Variants in EPG5 observed in about 807,000 individuals in gnomAD.
The protein encoded by EPG5 is ectopic P-granules 5 autophagy tethering factor, also known as ectopic P granules protein 5 homolog.
EPG5 carries 159 observed loss-of-function variants against 302.7 expected under a neutral mutation model. That is an observed-to-expected ratio of 0.53 (90% CI 0.46 to 0.60). The LOEUF is 0.60. EPG5 is among the 20% of genes least tolerant of loss of function. The probability of loss-of-function intolerance (pLI) is 0.00; values close to 1 mark genes in which losing one functional copy is unlikely to be tolerated. For missense variants in EPG5, 2,896 were observed against 3,092.4 expected (o/e 0.94, Z 1.51); for synonymous variants, 1,158 against 1,136.8 (o/e 1.02, Z -0.37).
chr18:45,860,463 T>C (rs1190734350), intron 39 of EPG5, 117 bp from the exon 40 acceptor site: 7 of 1,295,084 alleles, frequency 5.4e-6, no homozygotes, highest in East Asian at 2.3e-5. Context: ...ACAGTGCTAG[T>C]AGCTGACTGC....
chr18:45,866,164 G>C (rs1318842740), intron 38 of EPG5, among the ~76,000 whole-genome samples: 5 of 147,502 alleles, frequency 3.4e-5, no homozygotes, highest in African/African-American at 5.1e-5. Flanking sequence ...CTGTTGCCCA[G>C]GCTGGAGTGC....
At chr18:45,960,974 C>A (rs572500964) in intron 1 of EPG5, among the ~76,000 whole-genome samples, 2 of 152,228 alleles carry the variant, frequency 1.3e-5, no homozygotes, top group South Asian at 2.1e-4. Context: ...TATGTAAAAC[C>A]AAACTCCTGA....
Position 45,899,875 on chromosome 18 carries a change from C to T in EPG5, c.4647-309G>A, listed in dbSNP as rs529077437. Among the ~76,000 whole-genome samples, 3 of 152,316 alleles carry T rather than the reference C, an allele frequency of 2.0e-5. No individual in the cohort carries two copies. In the South Asian group the frequency reaches 6.2e-4, roughly 32 times the overall value. ...TACAAGAACAACTGAGAATTCTATCCTAACTTCATCACCCTCAAGGGGTGC... is the reference window on the plus strand; with the variant it reads ...TACAAGAACAACTGAGAATTCTATCTTAACTTCATCACCCTCAAGGGGTGC... On this transcript the variant is annotated intron_variant, in intron 26 of 43. Coordinates refer to ENST00000282041, the MANE Select transcript of EPG5 (RefSeq NM_020964.3).
rs376264524 is a variant in EPG5, at chr18:45,884,677, C to T, written c.5244G>A (p.Glu1748=). Reference sequence around the variant, plus strand: ...CCTCACTTAGAAACTTCACCACTTGCTCATACAGCTGTATGAACTCTGCAG... The same window carrying T: ...CCTCACTTAGAAACTTCACCACTTGTTCATACAGCTGTATGAACTCTGCAG... ...AAPAEFIQLY[E]QVVKFLSEDN... is the part of the protein sequence containing the mutation. Residue 1748 remains glutamate, a synonymous_variant, in exon 30 of 44, where the codon GAG becomes GAA. Transcript: ENST00000282041. The T allele has an allele frequency of 4.3e-6, 7 of 1,610,832 alleles. No individual in the cohort carries two copies. In the South Asian group the frequency reaches 5.5e-5, roughly 13 times the overall value.
At chr18:45,822,046 G>A in the EPG5 span, among the ~76,000 whole-genome samples, 3 of 152,116 alleles carry the variant, frequency 2.0e-5, no homozygotes, top group Admixed American at 2.0e-4. Flanking sequence ...ATCCCAGTAG[G>A]GGGCATTTAT....
intron 24 of EPG5, among the ~76,000 whole-genome samples, chr18:45,905,025 T>TGGA (rs1156857716): frequency 6.6e-6 from 1 of 152,106 alleles, no homozygotes; most frequent in Non-Finnish European, 1.5e-5. Flanking sequence ...TCCTATAAAA[T>TGGA]GGAATTTTTT....
intron 1 of EPG5, among the ~76,000 whole-genome samples, chr18:45,965,922 G>A (rs2051240541): frequency 6.6e-6 from 1 of 151,846 alleles, no homozygotes; most frequent in Non-Finnish European, 1.5e-5. Flanking sequence ...GTGTGGTGGC[G>A]CATGCCTGTA....
At chr18:45,944,697 G>A (rs1273487627) in intron 7 of EPG5, among the ~76,000 whole-genome samples, 3 of 151,816 alleles carry the variant, frequency 2.0e-5, no homozygotes, top group Admixed American at 2.0e-4. Flanking sequence ...GGAGGTTGCA[G>A]TGAGCCGAGA....
intron 31 of EPG5, among the ~76,000 whole-genome samples, chr18:45,880,689 C>T (rs2049078129): frequency 6.6e-6 from 1 of 152,196 alleles, no homozygotes. Flanking sequence ...GACCCAGAGG[C>T]AGCATGGAAA....
chr18:45,917,717 TA>T lies in EPG5; in HGVS notation c.3200del (p.Leu1067TyrfsTer10), dbSNP rs746036349. The T allele has an allele frequency of 1.2e-6, 2 of 1,614,146 alleles. No homozygotes were observed. The highest frequency in any genetic ancestry group is 1.7e-6 in the Non-Finnish European group (2 of 1,179,988). ...VVHVLDKILP[L>X]FYPCQYYLLK... ...GAAGGTAATACTGGCAAGGGTAAAA[TA>T]AAGGCAGAATCTTATCCAGGACATG... On this transcript the variant is annotated frameshift_variant, in exon 17 of 44. Transcript: ENST00000282041. LOFTEE classifies it high-confidence loss of function.
intron 27 of EPG5, among the ~76,000 whole-genome samples, chr18:45,892,515 C>A (rs1217816026): frequency 6.6e-6 from 1 of 152,142 alleles, no homozygotes; most frequent in Non-Finnish European, 1.5e-5. Context: ...TCTTTTCCAT[C>A]GTTCATTTCT....
intron 31 of EPG5, 75 bp downstream of exon 31, chr18:45,882,199 C>T (rs778397192): frequency 2.9e-5 from 37 of 1,257,768 alleles, no homozygotes; most frequent in Non-Finnish European, 3.9e-5. Context: ...CTTTGAATAA[C>T]ATCTGTAAGA....
At chr18:45,915,895 A>T in intron 19 of EPG5, 114 bp downstream of exon 19, 2 of 985,324 alleles carry the variant, frequency 2.0e-6, no homozygotes, top group Non-Finnish European at 3.0e-6. Flanking sequence ...GGCAAAGCTT[A>T]AAGAAGGTAA....
chr18:45,806,526 A>G, the EPG5 span, among the ~76,000 whole-genome samples: 2 of 152,222 alleles, frequency 1.3e-5, no homozygotes, highest in Non-Finnish European at 2.9e-5. Context: ...CCCAAACTGT[A>G]CAAGTGGGAA....
chr18:45,898,917 G>A (rs1341891703), intron 27 of EPG5, among the ~76,000 whole-genome samples: 1 of 152,148 alleles, frequency 6.6e-6, no homozygotes, highest in African/African-American at 2.4e-5. Flanking sequence ...ACCAGGTCAG[G>A]AGTTCAAGAC....
chr18:45,952,943 G>A (rs1203277002), intron 2 of EPG5, among the ~76,000 whole-genome samples: 3 of 152,152 alleles, frequency 2.0e-5, no homozygotes, highest in Non-Finnish European at 4.4e-5. Context: ...GGAGGCCGAG[G>A]CAGGTGGATC....
At chr18:45,951,525 C>T (rs1568184092) in intron 3 of EPG5, among the ~76,000 whole-genome samples, 2 of 151,254 alleles carry the variant, frequency 1.3e-5, no homozygotes, top group South Asian at 4.2e-4. Context: ...GTGGCGCAAT[C>T]TTGACTCACT....
At chr18:45,825,690 G>A in the EPG5 span, 21 of 1,607,918 alleles carry the variant, frequency 1.3e-5, no homozygotes, top group African/African-American at 1.7e-4. Context: ...GGAGGTGGCC[G>A]AGAGCGGGTC....
At chr18:45,903,578 C>G (rs1030076427) in intron 25 of EPG5, among the ~76,000 whole-genome samples, 2 of 152,012 alleles carry the variant, frequency 1.3e-5, no homozygotes, top group Non-Finnish European at 2.9e-5. Flanking sequence ...ATAGGTTACC[C>G]CAAATATCAG....
Sources: allele counts gnomAD v4.1 joint callset (sites outside exome capture counted in the v4.1 genomes callset), GRCh38; gene constraint gnomAD v4.1.1; transcripts MANE v1.5; gene names NCBI Gene and HGNC (gene_info 2026-07-23, HGNC 2026-07-21).